UBA6: variants seen among roughly 807,000 people sequenced by gnomAD.
UBA6 encodes ubiquitin-like modifier-activating enzyme 6.
Under a neutral mutation model 148.3 loss-of-function variants are expected in UBA6, and 87 were observed. The observed-to-expected ratio is 0.59, with a 90% CI of 0.49 to 0.70. The LOEUF (loss-of-function observed/expected upper bound fraction) is 0.70. Ranked by LOEUF, UBA6 falls within the 30% of genes least tolerant of loss-of-function variation. The pLI, the probability that UBA6 is intolerant of heterozygous loss-of-function variation, is 0.00. For missense variants in UBA6, 1,186 were observed against 1,241.2 expected, an observed-to-expected ratio of 0.96 and a Z score of 0.67; for synonymous variants, 376 against 401.0, an observed-to-expected ratio of 0.94 and a Z score of 0.75.
At chr4:67,662,047 A>G (rs1729871054) in intron 13 of UBA6, 142 bp downstream of exon 13, 2 of 652,446 alleles carry the variant, frequency 3.1e-6, no homozygotes, top group Non-Finnish European at 5.2e-6. Flanking sequence ...AGATTTATAA[A>G]TTAAAACAGA....
At chr4:67,677,249 C>A (rs1477970705) in intron 6 of UBA6, among the ~76,000 whole-genome samples, 1 of 152,132 alleles carries the variant, frequency 6.6e-6, no homozygotes, top group Non-Finnish European at 1.5e-5. Flanking sequence ...AAGAGAGACA[C>A]ATGGGGGAGA....
At chr4:67,642,131 T>C (rs1261582516) in intron 17 of UBA6, among the ~76,000 whole-genome samples, 2 of 152,098 alleles carry the variant, frequency 1.3e-5, no homozygotes, top group Non-Finnish European at 2.9e-5. Flanking sequence ...CATTGTTCAC[T>C]GATATTAAGG....
intron 13 of UBA6, among the ~76,000 whole-genome samples, chr4:67,657,034 A>G (rs1216107769): frequency 3.9e-5 from 6 of 152,236 alleles, no homozygotes; most frequent in Non-Finnish European, 1.5e-5. Context: ...ATAAAAGAGG[A>G]CACAAACAAA....
At chr4:67,655,880 A>G (rs1347256620) in intron 13 of UBA6, among the ~76,000 whole-genome samples, 2 of 152,242 alleles carry the variant, frequency 1.3e-5, no homozygotes, top group Non-Finnish European at 2.9e-5. Context: ...CCACAGAAAT[A>G]CAAACTACCA....
At chr4:67,629,565 A>G (rs555263294) in intron 26 of UBA6, among the ~76,000 whole-genome samples, 3 of 152,090 alleles carry the variant, frequency 2.0e-5, no homozygotes, top group Admixed American at 6.6e-5. Context: ...ATACCTTAAG[A>G]AGGAGGGAGA....
At chr4:67,659,806 A>T (rs962841930) in intron 13 of UBA6, among the ~76,000 whole-genome samples, 1 of 152,076 alleles carries the variant, frequency 6.6e-6, no homozygotes, top group Non-Finnish European at 1.5e-5. Flanking sequence ...AAGATGTGGG[A>T]AAGTTTGGAA....
intron 8 of UBA6, among the ~76,000 whole-genome samples, chr4:67,669,562 T>C (rs1264699565): frequency 2.2e-4 from 34 of 152,262 alleles, no homozygotes; most frequent in South Asian, 2.1e-4. Flanking sequence ...AGTAAATTAT[T>C]TAGGTAAAAT....
intron 26 of UBA6, 74 bp from the exon 27 acceptor site, chr4:67,629,216 G>C (rs1728941244): frequency 1.1e-6 from 1 of 936,980 alleles, no homozygotes; most frequent in African/African-American, 1.6e-5. Context: ...CCTACAAAAG[G>C]TCCTTAATCA....
intron 25 of UBA6, 91 bp downstream of exon 25, chr4:67,631,617 C>T: frequency 1.0e-6 from 1 of 967,408 alleles, no homozygotes; most frequent in Non-Finnish European, 1.5e-6. Flanking sequence ...ATTAAAGAGC[C>T]TAAGGTTTTC....
intron 2 of UBA6, among the ~76,000 whole-genome samples, chr4:67,691,065 AAC>A (rs1730683006): frequency 6.6e-6 from 1 of 152,182 alleles, no homozygotes; most frequent in Non-Finnish European, 1.5e-5. Flanking sequence ...ATGGGTTTCA[AAC>A]ACACAGGTCC....
intron 6 of UBA6, among the ~76,000 whole-genome samples, chr4:67,676,537 C>T (rs1407434096): frequency 6.6e-6 from 1 of 152,208 alleles, no homozygotes; most frequent in Non-Finnish European, 1.5e-5. Flanking sequence ...GGGCATAGCT[C>T]TCTGAGGCTC....
chr4:67,695,809 G>C (rs1730818767), intron 2 of UBA6, among the ~76,000 whole-genome samples: 1 of 152,064 alleles, frequency 6.6e-6, no homozygotes, highest in African/African-American at 2.4e-5. Context: ...CCCAAGCATA[G>C]AGTACAAAAC....
chr4:67,687,731 T>C (rs975602091), intron 2 of UBA6, among the ~76,000 whole-genome samples: 18 of 152,182 alleles, frequency 1.2e-4, no homozygotes, highest in African/African-American at 4.3e-4. Context: ...GAATATGTGG[T>C]ATTTGGTTTT....
chr4:67,613,672 T>A lies in UBA6; in HGVS notation c.*5325A>T, dbSNP rs1217363382. 6.6e-6 allele frequency: 1 copy of A among 152,068 alleles called. No individual in the cohort carries two copies. The highest frequency in any genetic ancestry group is 1.5e-5 in the Non-Finnish European group (1 of 68,012). 9.4% of individuals were successfully genotyped at this position (152,068 alleles called of 1,614,324 possible). On this transcript the variant is annotated 3_prime_UTR_variant, in exon 33 of 33. Transcript: ENST00000322244. ...GGGATAGAAAAAAGGGAAAAAATGT[T>A]TAGAAAGAGATGTAAGGACTAAGCT...
At position 67,634,302 on chromosome 4, in the gene UBA6, G is replaced by A. The variant is rs1729081526; in HGVS notation, c.1953C>T (p.His651=). ...ARDKFESSFS[H]KPSLFNKFWQ... ...AAAATTTGTTAAACAATGAAGGTTT[G>A]TGGGAAAAGGAACTTTCAAACTGTA... The change falls in exon 22 of 33, where the codon CAC becomes CAT. Residue 651 remains histidine, a synonymous_variant. Transcript: ENST00000322244. 6.3e-7 allele frequency: 1 copy of A among 1,594,348 alleles called. No homozygotes were observed. Among genetic ancestry groups the A allele is most frequent in the Non-Finnish European group, 8.5e-7 (1 of 1,174,578 alleles).
chr4:67,619,208 C>T, intron 32 of UBA6, 76 bp from the exon 33 acceptor site: 2 of 1,107,008 alleles, frequency 1.8e-6, no homozygotes, highest in Admixed American at 2.1e-5. Flanking sequence ...CTAATGCCAT[C>T]CAGAGAACCT....
At chr4:67,632,547 A>G (rs984534071) in intron 23 of UBA6, among the ~76,000 whole-genome samples, 3 of 152,244 alleles carry the variant, frequency 2.0e-5, no homozygotes, top group African/African-American at 7.2e-5. Flanking sequence ...TAGATTTTTG[A>G]AACGGGTCAT....
Position 67,638,980 on chromosome 4 carries a change from C to A in UBA6, c.1699G>T (p.Ala567Ser). The part of the protein sequence containing the change: ...FYTKQDVIIT[A>S]LDNVEARRYV... ...CTCCTGGCTTCCACATTATCTAATG[C>A]TGTAATAATTACATCTTGTTTAGTA... The change falls in exon 19 of 33, where the codon GCA (alanine) becomes TCA (serine). Residue 567 changes from alanine (A) to serine (S), a missense_variant. Transcript: ENST00000322244. The A allele has an allele frequency of 6.2e-7, 1 of 1,610,890 alleles. No homozygotes were observed. Among genetic ancestry groups the A allele is most frequent in the Non-Finnish European group, 8.5e-7 (1 of 1,178,062 alleles).
At chr4:67,631,660 A>T in intron 25 of UBA6, 48 bp downstream of exon 25, 1 of 1,391,630 alleles carries the variant, frequency 7.2e-7, no homozygotes, top group South Asian at 1.3e-5. Context: ...AATTTACAGT[A>T]AAGAAATATA....
Sources: gnomAD v4.1 joint callset for allele counts (sites outside exome capture counted in the v4.1 genomes callset) on GRCh38, gnomAD v4.1.1 for gene constraint, MANE v1.5 for transcripts, NCBI Gene and HGNC (gene_info 2026-07-23, HGNC 2026-07-21) for gene names.